Variants in TTBK2 observed in about 807,000 individuals in gnomAD.
TTBK2 encodes the protein tau-tubulin kinase 2.
A neutral mutation model predicts 110.8 loss-of-function variants in TTBK2; 28 were observed. The observed-to-expected ratio is 0.25, with a 90% confidence interval of 0.19 to 0.35. The LOEUF is 0.35. TTBK2 is among the 10% of genes least tolerant of loss of function. The pLI is 1.00. For synonymous variants in TTBK2, 532 were observed against 527.3 expected (o/e 1.01, Z -0.12); for missense variants, 1,369 against 1,500.3 (o/e 0.91, Z 1.45).
intron 11 of TTBK2, 112 bp downstream of exon 11, chr15:42,783,307 A>G: frequency 1.0e-6 from 1 of 994,904 alleles, no homozygotes; most frequent in Non-Finnish European, 1.6e-6. Context: ...AGCAAGGAGG[A>G]GCCACAAAAC....
rs886548416 is a variant in TTBK2, at chr15:42,816,788, G to A, written c.603+244C>T. On this transcript the variant is annotated intron_variant, in intron 7 of 14. Coordinates refer to ENST00000267890, the MANE Select transcript of TTBK2 (RefSeq NM_173500.4). ...CAAAAAATTAGCTGGGCGTGGTGGCGGGCACCTGTAATTCCAGCTACTTGG... is the reference window on the plus strand; with the variant it reads ...CAAAAAATTAGCTGGGCGTGGTGGCAGGCACCTGTAATTCCAGCTACTTGG... Among the ~76,000 whole-genome samples, 13 of 151,804 alleles carry A rather than the reference G, an allele frequency of 8.6e-5. No homozygotes were observed. The East Asian group carries it at 1.5e-3, about 18-fold the overall frequency.
intron 12 of TTBK2, 182 bp downstream of exon 12, chr15:42,776,849 G>A: frequency 3.1e-6 from 2 of 648,820 alleles, no homozygotes; most frequent in Non-Finnish European, 5.2e-6. Context: ...TAAGAATCAG[G>A]ATAATAATAA....
chr15:42,860,917 G>A (rs1894133279), intron 3 of TTBK2, among the ~76,000 whole-genome samples: 1 of 151,984 alleles, frequency 6.6e-6, no homozygotes, highest in African/African-American at 2.4e-5. Context: ...CCAAAGTGCT[G>A]GGATTACAGG....
intron 9 of TTBK2, among the ~76,000 whole-genome samples, chr15:42,796,510 T>C (rs760804652): frequency 6.6e-6 from 1 of 152,084 alleles, no homozygotes; most frequent in Non-Finnish European, 1.5e-5. Flanking sequence ...AGTACTCCAA[T>C]ACTTAGGTGA....
chr15:42,865,069 G>A (rs1894311786), intron 3 of TTBK2, among the ~76,000 whole-genome samples: 1 of 152,054 alleles, frequency 6.6e-6, no homozygotes, highest in Non-Finnish European at 1.5e-5. Context: ...ATTTGAAAGT[G>A]GACTTGGATT....
chr15:42,872,146 G>A (rs1228218249), intron 3 of TTBK2, among the ~76,000 whole-genome samples: 3 of 152,118 alleles, frequency 2.0e-5, no homozygotes, highest in Non-Finnish European at 2.9e-5. Context: ...CTCTGAAACT[G>A]AAGCTAATAT....
intron 1 of TTBK2, among the ~76,000 whole-genome samples, chr15:42,886,251 C>A (rs1351349825): frequency 1.3e-5 from 2 of 152,134 alleles, no homozygotes; most frequent in Non-Finnish European, 2.9e-5. Flanking sequence ...TGCTCTCCCA[C>A]CCTATAACCC....
At chr15:42,799,744 CT>C (rs549232628) in intron 9 of TTBK2, among the ~76,000 whole-genome samples, 166 of 152,194 alleles carry the variant, frequency 1.1e-3, no homozygotes, top group African/African-American at 3.7e-3. Flanking sequence ...CCCTGCATTA[CT>C]TTTTATTTGG....
intron 1 of TTBK2, among the ~76,000 whole-genome samples, chr15:42,879,298 G>C (rs971299922): frequency 6.6e-6 from 1 of 152,144 alleles, no homozygotes; most frequent in Non-Finnish European, 1.5e-5. Context: ...TACTGATACA[G>C]AGTGACTTTC....
At chr15:42,887,521 GC>G (rs1480668840) in intron 1 of TTBK2, among the ~76,000 whole-genome samples, 1 of 152,150 alleles carries the variant, frequency 6.6e-6, no homozygotes, top group East Asian at 1.9e-4. Flanking sequence ...GCCTGTTACA[GC>G]ATGGCCTTTT....
intron 9 of TTBK2, among the ~76,000 whole-genome samples, 171 bp downstream of exon 9, chr15:42,810,443 C>G (rs74531214): frequency 6.6e-6 from 1 of 152,140 alleles, no homozygotes; most frequent in African/African-American, 2.4e-5. Flanking sequence ...ATAACACACA[C>G]GCTGACACTC....
At chr15:42,832,632 C>T (rs1470150065) in intron 4 of TTBK2, among the ~76,000 whole-genome samples, 2 of 152,132 alleles carry the variant, frequency 1.3e-5, no homozygotes, top group East Asian at 1.9e-4. Context: ...AACCGTGGTC[C>T]GAATATATTA....
chr15:42,761,367 A>G (rs1212667463), intron 13 of TTBK2, among the ~76,000 whole-genome samples: 1 of 152,246 alleles, frequency 6.6e-6, no homozygotes, highest in Non-Finnish European at 1.5e-5. Flanking sequence ...CAAAGGAAAC[A>G]GTCAATAGAG....
intron 3 of TTBK2, among the ~76,000 whole-genome samples, chr15:42,850,301 G>T (rs895787190): frequency 6.6e-6 from 1 of 152,128 alleles, no homozygotes; most frequent in Non-Finnish European, 1.5e-5. Flanking sequence ...TTCTCTCGAC[G>T]CATTTTCTGT....
chr15:42,881,691 G>A (rs1321110388), intron 1 of TTBK2, among the ~76,000 whole-genome samples: 1 of 151,906 alleles, frequency 6.6e-6, no homozygotes, highest in Non-Finnish European at 1.5e-5. Flanking sequence ...GGCCAACATG[G>A]TGAAACCCCA....
chr15:42,869,149 G>A (rs549979580), intron 3 of TTBK2, among the ~76,000 whole-genome samples: 11 of 152,108 alleles, frequency 7.2e-5, no homozygotes, highest in East Asian at 1.9e-4. Flanking sequence ...GTACAATGGC[G>A]CCTTCTTGGC....
rs1388150546 is a variant in TTBK2 at position 42,839,487 on chromosome 15, TG to T, written c.291+872del. Among the ~76,000 whole-genome samples, 3 of 152,236 alleles carry T rather than the reference TG, an allele frequency of 2.0e-5. No individual in the cohort carries two copies. The East Asian group carries it at 5.8e-4, about 29-fold the overall frequency. ...CCTGTAATGGGATTGCTAGGTTGAA[TG>T]GTAGTTCTGTTTTAAGTCCTCTGAG... On this transcript the variant is annotated intron_variant, in intron 4 of 14. Transcript: ENST00000267890.
intron 13 of TTBK2, among the ~76,000 whole-genome samples, chr15:42,756,483 G>A (rs2061949238): frequency 6.6e-6 from 1 of 150,828 alleles, no homozygotes; most frequent in Non-Finnish European, 1.5e-5. Context: ...CTACTTGGGA[G>A]GCTGAGGCAG....
At chr15:42,884,752 T>A (rs953899766) in intron 1 of TTBK2, among the ~76,000 whole-genome samples, 1 of 152,168 alleles carries the variant, frequency 6.6e-6, no homozygotes, top group African/African-American at 2.4e-5. Flanking sequence ...TTTTGGAAAC[T>A]AATAAGTGTC....
Sources: gnomAD v4.1 joint callset for allele counts (sites outside exome capture counted in the v4.1 genomes callset) on GRCh38, gnomAD v4.1.1 for gene constraint, MANE v1.5 for transcripts, NCBI Gene and HGNC (gene_info 2026-07-23, HGNC 2026-07-21) for gene names.